Variants in PPP3CA observed in about 807,000 individuals in gnomAD.
PPP3CA encodes the protein protein phosphatase 3 catalytic subunit alpha, also known as CAM-PRP catalytic subunit.
PPP3CA carries 14 observed loss-of-function variants against 66.5 expected under a neutral mutation model. The observed-to-expected ratio is 0.21, with a 90% CI of 0.14 to 0.33. The LOEUF (loss-of-function observed/expected upper bound fraction) is 0.33, where lower values mean the gene tolerates loss of function less well. Ranked by LOEUF, PPP3CA falls within the 10% of genes least tolerant of loss-of-function variation. The probability of loss-of-function intolerance (pLI) is 1.00; values close to 1 mark genes in which losing one functional copy is unlikely to be tolerated. For synonymous variants in PPP3CA, 232 were observed against 226.2 expected (o/e 1.03, Z -0.23); for missense variants, 317 against 639.5 (o/e 0.50, Z 5.44).
intron 2 of PPP3CA, among the ~76,000 whole-genome samples, chr4:101,117,202 T>C (rs1721863238): frequency 6.6e-6 from 1 of 151,834 alleles, no homozygotes; most frequent in Non-Finnish European, 1.5e-5. Flanking sequence ...ACAATAGTTA[T>C]TAACAATTAC....
chr4:101,213,973 G>A (rs1725382589), intron 1 of PPP3CA, among the ~76,000 whole-genome samples: 1 of 152,144 alleles, frequency 6.6e-6, no homozygotes, highest in South Asian at 2.1e-4. Context: ...GGTTGCCACA[G>A]ATGTAGGCGC....
At chr4:101,340,918 A>G (rs1418922614) in intron 1 of PPP3CA, among the ~76,000 whole-genome samples, 2 of 152,190 alleles carry the variant, frequency 1.3e-5, no homozygotes. Flanking sequence ...AATGAAAGTA[A>G]ATAACATTCT....
intron 1 of PPP3CA, among the ~76,000 whole-genome samples, chr4:101,274,160 C>T (rs1439517642): frequency 3.9e-5 from 6 of 152,040 alleles, no homozygotes; most frequent in African/African-American, 1.2e-4. Flanking sequence ...CAACATTAGC[C>T]GGACATGATG....
At chr4:101,306,790 T>C (rs1728548418) in intron 1 of PPP3CA, among the ~76,000 whole-genome samples, 1 of 152,194 alleles carries the variant, frequency 6.6e-6, no homozygotes. Flanking sequence ...CCTTATTTCA[T>C]ATAGACTGCT....
chr4:101,168,769 G>A (rs1007186433), intron 2 of PPP3CA, among the ~76,000 whole-genome samples: 13 of 152,070 alleles, frequency 8.5e-5, no homozygotes, highest in South Asian at 2.1e-4. Flanking sequence ...CCATATATAC[G>A]TCTCCTTAAA....
intron 10 of PPP3CA, among the ~76,000 whole-genome samples, chr4:101,051,829 G>A (rs946912514): frequency 1.3e-5 from 2 of 152,004 alleles, no homozygotes; most frequent in African/African-American, 4.8e-5. Context: ...ACCACTAGTT[G>A]AATAAAAACT....
At position 101,126,361 on chromosome 4, in the gene PPP3CA, G is replaced by A. The variant is rs1012928399; in HGVS notation, c.260-17283C>T. 3.5e-4 allele frequency among the ~76,000 whole-genome samples: 54 copies of A among 152,272 alleles called. 1 individual carries two copies. The highest frequency in any genetic ancestry group is 1.3e-3 in the African/African-American group (53 of 41,572). On this transcript the variant is annotated intron_variant, in intron 2 of 13. Coordinates refer to ENST00000394854, the MANE Select transcript of PPP3CA (RefSeq NM_000944.5). ...CCACTTAGGGGATGATCTAATCTTC[G>A]TTGATTCAAATTCCTGTAAGGATTA...
chr4:101,108,923 G>T, intron 3 of PPP3CA, 31 bp downstream of exon 3: 1 of 1,602,298 alleles, frequency 6.2e-7, no homozygotes, highest in South Asian at 1.1e-5. Flanking sequence ...ATCCATAACT[G>T]AACAGCAAAG....
intron 7 of PPP3CA, 30 bp downstream of exon 7, chr4:101,083,156 T>C (rs754252517): frequency 3.6e-6 from 5 of 1,405,088 alleles, no homozygotes; most frequent in Non-Finnish European, 4.7e-6. Context: ...GGACAATGCA[T>C]GGTTTTTATA....
intron 1 of PPP3CA, among the ~76,000 whole-genome samples, chr4:101,345,476 C>A (rs1452986149): frequency 1.3e-5 from 2 of 152,212 alleles, no homozygotes; most frequent in Admixed American, 6.5e-5. Context: ...ACACACAACA[C>A]ACACACATTA....
In PPP3CA at chr4:101,025,916, T is replaced by C. The variant is rs2110200478; in HGVS notation, c.1515A>G (p.Ser505=). The change falls in exon 14 of 14, where the codon TCA becomes TCG. Residue 505 remains serine (S), a synonymous_variant. Transcript: ENST00000394854. ...NLNSINKALT[S]ETNGTDSNGS... is the part of the protein sequence containing the mutation. Reference sequence around the variant, plus strand: ...CATTGCTGTCCGTGCCGTTAGTCTCTGAGGTGAGAGCCTTGTTGATGGAGT... The same window carrying C: ...CATTGCTGTCCGTGCCGTTAGTCTCCGAGGTGAGAGCCTTGTTGATGGAGT... 2 of 1,610,278 alleles carry C rather than the reference T, an allele frequency of 1.2e-6. No homozygotes were observed. The highest frequency in any genetic ancestry group is 4.5e-5 in the East Asian group (2 of 44,632).
intron 2 of PPP3CA, among the ~76,000 whole-genome samples, chr4:101,154,686 G>A (rs1723255456): frequency 6.6e-6 from 1 of 151,898 alleles, no homozygotes; most frequent in South Asian, 2.1e-4. Flanking sequence ...TCAATAACAG[G>A]TTCTCCAACT....
chr4:101,122,875 T>G (rs1255101850), intron 2 of PPP3CA, among the ~76,000 whole-genome samples: 1 of 152,092 alleles, frequency 6.6e-6, no homozygotes, highest in Non-Finnish European at 1.5e-5. Flanking sequence ...AAAAAAAAAG[T>G]TGCTTTTAAT....
intron 1 of PPP3CA, among the ~76,000 whole-genome samples, chr4:101,322,819 C>A (rs775906289): frequency 1.3e-5 from 2 of 151,858 alleles, no homozygotes; most frequent in South Asian, 4.2e-4. Context: ...TTATAGTAGC[C>A]TGAATGAACT....
chr4:101,139,931 T>G (rs955429714), intron 2 of PPP3CA, among the ~76,000 whole-genome samples: 8 of 152,242 alleles, frequency 5.3e-5, no homozygotes, highest in Non-Finnish European at 7.4e-5. Flanking sequence ...AAAATCTTTT[T>G]TTTTTCCGGG....
At chr4:101,252,374 C>G (rs1191571519) in intron 1 of PPP3CA, among the ~76,000 whole-genome samples, 2 of 152,082 alleles carry the variant, frequency 1.3e-5, no homozygotes, top group Non-Finnish European at 2.9e-5. Context: ...TAGAGAATTA[C>G]TAAAGGAATA....
chr4:101,325,536 G>T (rs1296981059), intron 1 of PPP3CA, among the ~76,000 whole-genome samples: 1 of 152,096 alleles, frequency 6.6e-6, no homozygotes, highest in East Asian at 1.9e-4. Context: ...AGAACACAGG[G>T]CTACTGTTAA....
At chr4:101,083,157 G>C in intron 7 of PPP3CA, 29 bp downstream of exon 7, 1 of 1,407,024 alleles carries the variant, frequency 7.1e-7, no homozygotes, top group South Asian at 1.8e-5. Context: ...GACAATGCAT[G>C]GTTTTTATAA....
At chr4:101,304,603 C>T (rs1206598217) in intron 1 of PPP3CA, among the ~76,000 whole-genome samples, 5 of 152,040 alleles carry the variant, frequency 3.3e-5, no homozygotes, top group Non-Finnish European at 5.9e-5. Flanking sequence ...GACAAGACTT[C>T]GAACAATTTC....
Sources: allele counts gnomAD v4.1 joint callset (sites outside exome capture counted in the v4.1 genomes callset), GRCh38; gene constraint gnomAD v4.1.1; transcripts MANE v1.5; gene names NCBI Gene and HGNC (gene_info 2026-07-23, HGNC 2026-07-21).